Variants in JOSD1 observed in about 807,000 individuals in gnomAD.
JOSD1 encodes the protein Josephin domain containing 1, also known as josephin-1.
In JOSD1, 11 loss-of-function variants were observed where a neutral mutation model predicts 24.3. The observed-to-expected ratio is 0.45, with a 90% CI of 0.29 to 0.75. JOSD1 has a LOEUF of 0.75. Ranked by LOEUF, JOSD1 falls within the 30% of genes least tolerant of loss-of-function variation. JOSD1 has a pLI of 0.11. For missense variants in JOSD1, 184 were observed against 253.5 expected (o/e 0.73, Z 1.86); for synonymous variants, 106 against 93.8 (o/e 1.13, Z -0.75).
Position 38,700,855 on chromosome 22 carries a change from C to A in JOSD1, c.-687G>T. On this transcript the variant is annotated 5_prime_UTR_variant, in exon 1 of 5. Transcript: ENST00000683374. ...GACGCCCTCCCGCCGCGCCCCCGGC[C>A]GCAGACCCCAGGGCCGCCGGGACTG... 1 of 984,760 alleles carries A rather than the reference C, an allele frequency of 1.0e-6. No individual in the cohort carries two copies. The highest frequency in any genetic ancestry group is 1.2e-6 in the Non-Finnish European group (1 of 829,786). The allele number at this position is 984,760 out of a possible 1,614,324, so 61.0% of individuals were successfully genotyped here.
At position 38,699,828 on chromosome 22, in the gene JOSD1, C is replaced by G. The variant is rs1178548794; in HGVS notation, c.160G>C (p.Asp54His). The G allele has an allele frequency of 1.9e-6, 3 of 1,614,174 alleles. No individual in the cohort carries two copies. Among genetic ancestry groups the G allele is most frequent in the East Asian group, 2.2e-5 (1 of 44,884 alleles). The change falls in exon 2 of 5, where the codon GAT becomes CAT. Residue 54 changes from aspartate (D) to histidine (H), a missense_variant. By Grantham distance (81) the Asp-to-His change is moderately conservative (BLOSUM62 -1). Coordinates refer to ENST00000683374, the MANE Select transcript of JOSD1 (RefSeq NM_001360236.2). ...CTCTGGAAAATCTCTTGCAGCGTAT[C>G]CCGGGTGAAGGCATTGCTGTCCTGG... is the stretch of plus-strand genomic sequence containing the variant. ...VFQDSNAFTR[D>H]TLQEIFQRLS...
intron 2 of JOSD1, among the ~76,000 whole-genome samples, chr22:38,691,880 T>C (rs908689718): frequency 1.3e-5 from 2 of 152,196 alleles, no homozygotes; most frequent in Non-Finnish European, 2.9e-5. Context: ...TTTTCTACAC[T>C]AGACTGACAG....
Position 38,699,942 on chromosome 22 carries a change from A to T in JOSD1, c.46T>A (p.Leu16Met). The T allele has an allele frequency of 3.1e-6, 5 of 1,613,268 alleles. No homozygotes were observed. The highest frequency in any genetic ancestry group is 4.2e-6 in the Non-Finnish European group (5 of 1,179,552). Residue 16 changes from leucine (L) to methionine (M), a missense_variant, in exon 2 of 5, where the codon TTG becomes ATG. Transcript: ENST00000683374. ...WKGDKAKSESLELPQAAPPQI... is the reference protein window; with the variant it reads ...WKGDKAKSESMELPQAAPPQI... ...GGGGGTGCTGCCTGGGGCAGCTCCA[A>T]TGATTCAGATTTGGCCTTGTCTCCT...
At chr22:38,694,745 C>T (rs1024479756) in intron 2 of JOSD1, among the ~76,000 whole-genome samples, 8 of 151,294 alleles carry the variant, frequency 5.3e-5, no homozygotes, top group Non-Finnish European at 1.0e-4. Context: ...GCCTGTAGTT[C>T]CAGCTACTTG....
At chr22:38,688,054 T>C in intron 4 of JOSD1, 53 bp from the exon 5 acceptor site, 2 of 1,299,232 alleles carry the variant, frequency 1.5e-6, no homozygotes, top group South Asian at 2.4e-5. Context: ...CAAATTCCAG[T>C]CTCAGGACCA....
chr22:38,695,448 T>G (rs902359946), intron 2 of JOSD1, among the ~76,000 whole-genome samples: 4 of 147,522 alleles, frequency 2.7e-5, no homozygotes, highest in African/African-American at 9.9e-5. Context: ...TGCCTAGTTT[T>G]TTTTTTTTTT....
intron 2 of JOSD1, among the ~76,000 whole-genome samples, chr22:38,695,508 C>G (rs950109561): frequency 1.3e-5 from 2 of 150,072 alleles, no homozygotes; most frequent in Non-Finnish European, 2.9e-5. Context: ...AATGCAGTGG[C>G]ACGAACATGG....
intron 2 of JOSD1, among the ~76,000 whole-genome samples, chr22:38,694,791 G>A (rs967777316): frequency 1.1e-4 from 16 of 151,242 alleles, no homozygotes; most frequent in African/African-American, 3.9e-4. Context: ...GAACCTGGGA[G>A]GCGGAGCTTG....
chr22:38,685,870 T>C lies in JOSD1; in HGVS notation c.*2032A>G, dbSNP rs2092495533. ...ATGAACAGAGAAACCAGCCCTGAAA[T>C]GTTTAAGCGTCTTTGCATATCCCAT... is the stretch of plus-strand genomic sequence containing the variant. On this transcript the variant is annotated 3_prime_UTR_variant, in exon 5 of 5. Coordinates refer to ENST00000683374, the MANE Select transcript of JOSD1 (RefSeq NM_001360236.2). The C allele has an allele frequency of 6.6e-6, 1 of 152,606 alleles. No homozygotes were observed. The highest frequency in any genetic ancestry group is 1.5e-5 in the Non-Finnish European group (1 of 68,038). The allele number at this position is 152,606 out of a possible 1,614,324, so 9.5% of individuals were successfully genotyped here.
chr22:38,689,898 C>T (rs1194500282), intron 2 of JOSD1, among the ~76,000 whole-genome samples: 3 of 135,714 alleles, frequency 2.2e-5, no homozygotes, highest in Admixed American at 7.6e-5. Flanking sequence ...ATGCACGACC[C>T]ACCTAAAGGC....
intron 2 of JOSD1, among the ~76,000 whole-genome samples, chr22:38,695,839 C>T (rs1328278838): frequency 6.6e-6 from 1 of 152,080 alleles, no homozygotes; most frequent in East Asian, 1.9e-4. Flanking sequence ...GGGTGGATCA[C>T]GAGGTCAGGA....
chr22:38,693,447 C>G (rs532373269), intron 2 of JOSD1, among the ~76,000 whole-genome samples: 1 of 152,350 alleles, frequency 6.6e-6, no homozygotes, highest in East Asian at 1.9e-4. Context: ...TTCACCAAGG[C>G]ATCAATTCAC....
At position 38,700,288 on chromosome 22, in the gene JOSD1, T is replaced by TG; in HGVS notation, c.-302_-301insC. 4.3e-6 allele frequency: 2 copies of TG among 464,402 alleles called. No individual in the cohort carries two copies. The highest frequency in any genetic ancestry group is 5.6e-6 in the Non-Finnish European group (2 of 359,024). The allele number at this position is 464,402 out of a possible 1,614,324, so 28.8% of individuals were successfully genotyped here. A position where few individuals can be genotyped will look rare whatever the true frequency, so the allele number is the denominator to read the frequency against. ...AGACCTTGTTTCCGTTTCCCCACCC[T>TG]TCCCTCCCACCCCCCTCCAAAATCC... is the stretch of plus-strand genomic sequence containing the variant. On this transcript the variant is annotated 5_prime_UTR_variant, in exon 2 of 5. Coordinates refer to ENST00000683374, the MANE Select transcript of JOSD1 (RefSeq NM_001360236.2).
At chr22:38,693,086 T>C (rs909213065) in intron 2 of JOSD1, among the ~76,000 whole-genome samples, 8 of 152,180 alleles carry the variant, frequency 5.3e-5, no homozygotes, top group African/African-American at 1.9e-4. Flanking sequence ...AACAGCTGAA[T>C]GAACCAAGTA....
rs1000865457 is a variant in JOSD1 at position 38,687,643 on chromosome 22, T to C, written c.*259A>G. 4.6e-6 allele frequency: 2 copies of C among 434,650 alleles called. No individual in the cohort carries two copies. Among genetic ancestry groups the C allele is most frequent in the Non-Finnish European group, 8.1e-6 (2 of 246,278 alleles). 26.9% of individuals were successfully genotyped at this position (434,650 alleles called of 1,614,324 possible). On this transcript the variant is annotated 3_prime_UTR_variant, in exon 5 of 5. Transcript: ENST00000683374. ...AGGATTCCCTCCCCGCTCCACTTTC[T>C]CCTCTGTCTCTTAAATAAAACAAGG... is the stretch of plus-strand genomic sequence containing the variant.
At chr22:38,688,879 C>T in intron 4 of JOSD1, 56 bp downstream of exon 4, 1 of 1,492,912 alleles carries the variant, frequency 6.7e-7, no homozygotes, top group South Asian at 1.2e-5. Context: ...AGCTCAGTGT[C>T]CCCAACCTAA....
At chr22:38,700,672 G>A in intron 1 of JOSD1, 54 bp from the exon 2 acceptor site, 2 of 979,090 alleles carry the variant, frequency 2.0e-6, no homozygotes, top group Non-Finnish European at 2.4e-6. Flanking sequence ...GGAAGTGAGC[G>A]GCGGGGCCGG....
chr22:38,699,078 C>T (rs940738050), intron 2 of JOSD1, among the ~76,000 whole-genome samples: 1 of 152,184 alleles, frequency 6.6e-6, no homozygotes, highest in Non-Finnish European at 1.5e-5. Context: ...TGTGGGGTGG[C>T]ATTTGTTCTA....
In JOSD1 at chr22:38,700,289, T is replaced by TACCAA; in HGVS notation, c.-303_-302insTTGGT. 1.1e-6 allele frequency: 1 copy of TACCAA among 894,448 alleles called. No homozygotes were observed. The highest frequency in any genetic ancestry group is 1.4e-6 in the Non-Finnish European group (1 of 733,818). The allele number at this position is 894,448 out of a possible 1,614,324, so 55.4% of individuals were successfully genotyped here. ...GACCTTGTTTCCGTTTCCCCACCCT[T>TACCAA]CCCTCCCACCCCCCTCCAAAATCCC... On this transcript the variant is annotated 5_prime_UTR_variant, in exon 2 of 5. Transcript: ENST00000683374.
Sources: allele counts gnomAD v4.1 joint callset (sites outside exome capture counted in the v4.1 genomes callset), GRCh38; gene constraint gnomAD v4.1.1; transcripts MANE v1.5; gene names NCBI Gene and HGNC (gene_info 2026-07-23, HGNC 2026-07-21).